The following OSBPL6 variants were observed in gnomAD, a reference collection of about 807,000 sequenced individuals.
OSBPL6 encodes oxysterol binding protein like 6, also known as oxysterol-binding protein-related protein 6.
In OSBPL6, 49 loss-of-function variants were observed where a neutral mutation model predicts 125.8. The observed-to-expected ratio is 0.39, with a 90% confidence interval of 0.31 to 0.49. The LOEUF is 0.49. Ranked by LOEUF, OSBPL6 falls within the 20% of genes least tolerant of loss-of-function variation. The pLI is 0.88. For missense variants in OSBPL6, 986 were observed against 1,135.4 expected (o/e 0.87, Z 1.89); for synonymous variants, 394 against 391.8 (o/e 1.01, Z -0.07).
In OSBPL6 at chr2:178,370,417, C is replaced by G. The variant is rs181682276; in HGVS notation, c.1288-1709C>G. ...ATGCATTTACTTGTAGGCAGAGAAG[C>G]AACAAAGAAGAAATCAGCATCTTTT... is the stretch of plus-strand genomic sequence containing the variant. On this transcript the variant is annotated intron_variant, in intron 13 of 24. Coordinates refer to ENST00000190611, the MANE Select transcript of OSBPL6 (RefSeq NM_032523.4). 4.0e-5 allele frequency among the ~76,000 whole-genome samples: 6 copies of G among 151,400 alleles called. No individual in the cohort carries two copies. The East Asian group carries it at 1.2e-3, about 29-fold the overall frequency.
At chr2:178,234,004 ATTTAC>A (rs2090947325) in intron 1 of OSBPL6, among the ~76,000 whole-genome samples, 1 of 152,146 alleles carries the variant, frequency 6.6e-6, no homozygotes, top group Admixed American at 6.5e-5. Flanking sequence ...GAGTTGAATA[ATTTAC>A]TTTATTCAGC....
rs868293214 is a variant in OSBPL6, at chr2:178,257,799, C to T, written c.-350-27128C>T. Among the ~76,000 whole-genome samples, 648 of 143,622 alleles carry T rather than the reference C, an allele frequency of 4.5e-3. 8 individuals carry two copies. Among genetic ancestry groups the T allele is most frequent in the African/African-American group, 0.016 (622 of 39,196 alleles). The allele number at this position is 143,622 out of a possible 152,430, so 94.2% of individuals were successfully genotyped here. ...CTAGTTGTCTATATTTTTTTAATTC[C>T]TTTTTTTTTTTTTGAGACCAGATCT... On this transcript the variant is annotated intron_variant, in intron 1 of 24. Transcript: ENST00000190611.
chr2:178,375,356 G>T (rs1472978237), intron 15 of OSBPL6, among the ~76,000 whole-genome samples: 1 of 152,076 alleles, frequency 6.6e-6, no homozygotes, highest in Admixed American at 6.6e-5. Context: ...TTCTGACTCT[G>T]CCTTGCTGAG....
intron 1 of OSBPL6, among the ~76,000 whole-genome samples, chr2:178,237,572 G>A (rs1332909501): frequency 6.6e-6 from 1 of 151,986 alleles, no homozygotes; most frequent in Admixed American, 6.6e-5. Flanking sequence ...TTTAAATTTA[G>A]TAGCTCCTCA....
chr2:178,261,411 A>G (rs1191364075), intron 1 of OSBPL6, among the ~76,000 whole-genome samples: 1 of 151,928 alleles, frequency 6.6e-6, no homozygotes, highest in Non-Finnish European at 1.5e-5. Flanking sequence ...AAAAAAAACA[A>G]GGAAGAAAAA....
At position 178,243,756 on chromosome 2, in the gene OSBPL6, G is replaced by A. The variant is rs564519068; in HGVS notation, c.-350-41171G>A. On this transcript the variant is annotated intron_variant, in intron 1 of 24. Coordinates refer to ENST00000190611, the MANE Select transcript of OSBPL6 (RefSeq NM_032523.4). Reference sequence around the variant, plus strand: ...GCAATCTCCGCCTCCAGGTTCAAGCGATTCTCCTGCCTCAGCCTCCTGAGT... The same window carrying A: ...GCAATCTCCGCCTCCAGGTTCAAGCAATTCTCCTGCCTCAGCCTCCTGAGT... 2.0e-5 allele frequency among the ~76,000 whole-genome samples: 3 copies of A among 152,210 alleles called. No individual in the cohort carries two copies. In the East Asian group the frequency reaches 5.8e-4, roughly 29 times the overall value.
chr2:178,380,695 G>T (rs1694392265), intron 15 of OSBPL6, among the ~76,000 whole-genome samples: 1 of 152,052 alleles, frequency 6.6e-6, no homozygotes, highest in Admixed American at 6.5e-5. Flanking sequence ...TCACCAGGCA[G>T]ATTTATGAAA....
At chr2:178,366,047 C>T (rs186224191) in intron 13 of OSBPL6, among the ~76,000 whole-genome samples, 231 of 152,224 alleles carry the variant, frequency 1.5e-3, no homozygotes, top group African/African-American at 5.3e-3. Context: ...TGAACCACCA[C>T]GTCCGGCTAA....
intron 13 of OSBPL6, among the ~76,000 whole-genome samples, chr2:178,369,318 T>G (rs1693156529): frequency 6.6e-6 from 1 of 152,184 alleles, no homozygotes; most frequent in Non-Finnish European, 1.5e-5. Flanking sequence ...AGCCAAATAC[T>G]GATGATTTGC....
chr2:178,341,846 A>G (rs980935049), intron 11 of OSBPL6, among the ~76,000 whole-genome samples: 6 of 152,116 alleles, frequency 3.9e-5, no homozygotes, highest in Non-Finnish European at 7.3e-5. Flanking sequence ...GTCTTGCAGG[A>G]GCCTCAGGAT....
At chr2:178,208,056 G>A (rs184601520) in intron 1 of OSBPL6, among the ~76,000 whole-genome samples, 43 of 152,206 alleles carry the variant, frequency 2.8e-4, no homozygotes, top group Admixed American at 9.2e-4. Flanking sequence ...AGGTCAAGGT[G>A]GGCGGATCAC....
intron 15 of OSBPL6, among the ~76,000 whole-genome samples, chr2:178,381,793 A>C (rs1231099456): frequency 6.6e-6 from 1 of 152,144 alleles, no homozygotes; most frequent in Non-Finnish European, 1.5e-5. Context: ...AACTCTTAGG[A>C]TTGTATATGA....
chr2:178,357,285 A>G (rs1348988898), intron 12 of OSBPL6, among the ~76,000 whole-genome samples: 1 of 152,240 alleles, frequency 6.6e-6, no homozygotes, highest in Non-Finnish European at 1.5e-5. Context: ...AGAAACTACC[A>G]TCAGAATGAA....
chr2:178,390,951 T>C, intron 21 of OSBPL6, 122 bp from the exon 22 acceptor site: 2 of 1,292,292 alleles, frequency 1.5e-6, no homozygotes, highest in Non-Finnish European at 2.2e-6. Context: ...TTGAGATTTC[T>C]GTATTTCTGA....
intron 12 of OSBPL6, among the ~76,000 whole-genome samples, chr2:178,357,993 C>T (rs774243991): frequency 7.2e-5 from 11 of 152,142 alleles, no homozygotes; most frequent in Non-Finnish European, 1.6e-4. Flanking sequence ...GACAGAAAAC[C>T]ATACACCACC....
At chr2:178,291,397 A>T (rs941283429) in intron 2 of OSBPL6, among the ~76,000 whole-genome samples, 1 of 152,194 alleles carries the variant, frequency 6.6e-6, no homozygotes, top group African/African-American at 2.4e-5. Context: ...TCCACTGTTC[A>T]TCATCATGCA....
Position 178,218,408 on chromosome 2 carries a change from TAAA to T in OSBPL6, c.-351+23744_-351+23746del, listed in dbSNP as rs11357721. ...TAAGCATTATTAAAAAAAAAAAAATTAAAAAAAAAAAAGAGAGAGAGAGAATGC... is the reference window on the plus strand; with the variant it reads ...TAAGCATTATTAAAAAAAAAAAAATTAAAAAAAAAGAGAGAGAGAGAATGC... On this transcript the variant is annotated intron_variant, in intron 1 of 24. Coordinates refer to ENST00000190611, the MANE Select transcript of OSBPL6 (RefSeq NM_032523.4). Among the ~76,000 whole-genome samples the T allele has an allele frequency of 5.9e-4, 85 of 143,090 alleles. 1 individual carries two copies. Among genetic ancestry groups the T allele is most frequent in the African/African-American group, 2.1e-3 (80 of 38,472 alleles). The allele number at this position is 143,090 out of a possible 152,430, so 93.9% of individuals were successfully genotyped here.
At chr2:178,222,603 C>T (rs538110193) in intron 1 of OSBPL6, among the ~76,000 whole-genome samples, 10 of 152,212 alleles carry the variant, frequency 6.6e-5, no homozygotes, top group Non-Finnish European at 1.2e-4. Context: ...AGATCTATCT[C>T]GCCATTGCAC....
intron 1 of OSBPL6, among the ~76,000 whole-genome samples, chr2:178,231,400 C>A (rs537682007): frequency 5.3e-4 from 81 of 152,252 alleles, no homozygotes; most frequent in African/African-American, 1.7e-3. Context: ...TAGTATATTA[C>A]TATGGGCACA....
Sources: gnomAD v4.1 joint callset for allele counts (sites outside exome capture counted in the v4.1 genomes callset) on GRCh38, gnomAD v4.1.1 for gene constraint, MANE v1.5 for transcripts, NCBI Gene and HGNC (gene_info 2026-07-23, HGNC 2026-07-21) for gene names.